The following DHRSX variants were observed in gnomAD, a reference collection of about 807,000 sequenced individuals.
The protein encoded by DHRSX is dehydrogenase/reductase X-linked.
A neutral mutation model predicts 34.0 loss-of-function variants in DHRSX; 31 were observed. The ratio of observed to expected loss-of-function variants is 0.91; its 90% CI spans 0.69 to 1.23. The LOEUF is 1.23. Ranked by LOEUF, DHRSX falls within the 50% of genes most tolerant of loss-of-function variation. The pLI is 0.00. For synonymous variants in DHRSX, 201 were observed against 183.8 expected, an observed-to-expected ratio of 1.09 and a Z score of -0.76; for missense variants, 414 against 428.1, an observed-to-expected ratio of 0.97 and a Z score of 0.29.
intron 3 of DHRSX, among the ~76,000 whole-genome samples, chrX:2,356,798 C>T (rs936887254): frequency 3.3e-5 from 5 of 152,230 alleles, no homozygotes; most frequent in African/African-American, 4.8e-5. Context: ...CTCTTGGTAA[C>T]GTTTTCTTTT....
chrX:2,240,230 T>G (rs945263881), intron 6 of DHRSX, among the ~76,000 whole-genome samples: 1 of 150,686 alleles, frequency 6.6e-6, no homozygotes, highest in African/African-American at 2.4e-5. Flanking sequence ...GAGGCGGAGG[T>G]TGCAGTGAGC....
At chrX:2,346,653 T>G (rs377715398) in intron 3 of DHRSX, among the ~76,000 whole-genome samples, 1,973 of 150,834 alleles carry the variant, frequency 0.013, 15 homozygotes, top group Middle Eastern at 0.034. Context: ...TGGTTTTTTT[T>G]TTGTTGTTGT....
chrX:2,234,265 C>T (rs1478695844), intron 6 of DHRSX, among the ~76,000 whole-genome samples: 2 of 152,018 alleles, frequency 1.3e-5, no homozygotes, highest in Admixed American at 1.3e-4. Flanking sequence ...CAGCCCTGAT[C>T]CACGCACACA....
intron 3 of DHRSX, among the ~76,000 whole-genome samples, chrX:2,298,420 G>T (rs1327233902): frequency 6.9e-6 from 1 of 145,054 alleles, no homozygotes; most frequent in South Asian, 2.1e-4. Context: ...AATTTTCACA[G>T]TATATATTTG....
intron 3 of DHRSX, among the ~76,000 whole-genome samples, chrX:2,296,524 G>A (rs2041934036): frequency 7.0e-6 from 1 of 142,226 alleles, no homozygotes; most frequent in Admixed American, 7.0e-5. Flanking sequence ...CAGGCAGACA[G>A]GAATAGGACC....
intron 1 of DHRSX, among the ~76,000 whole-genome samples, chrX:2,475,603 G>GA (rs1369206361): frequency 8.9e-4 from 133 of 150,128 alleles, no homozygotes; most frequent in African/African-American, 3.2e-3. Context: ...GTGGCCAAGG[G>GA]ATCACACTCA....
At chrX:2,246,745 A>AAAGG (rs2016304109) in intron 5 of DHRSX, among the ~76,000 whole-genome samples, 1 of 111,746 alleles carries the variant, frequency 8.9e-6, no homozygotes, top group African/African-American at 2.7e-5. Flanking sequence ...AGAAAGAAAG[A>AAAGG]AAGAAAAAGA....
At chrX:2,224,516 C>A (rs183340937) in intron 6 of DHRSX, among the ~76,000 whole-genome samples, 214 of 152,206 alleles carry the variant, frequency 1.4e-3, no homozygotes, top group Non-Finnish European at 2.8e-3. Context: ...AGACAGCAAG[C>A]GCATTGTGCT....
At chrX:2,489,052 G>A (rs765377384) in intron 1 of DHRSX, 20 of 1,613,702 alleles carry the variant, frequency 1.2e-5, no homozygotes, top group African/African-American at 8.0e-5. Context: ...CCTCCACGCC[G>A]CCTGTCTGGC....
intron 3 of DHRSX, among the ~76,000 whole-genome samples, chrX:2,372,647 T>A (rs28667034): frequency 6.6e-6 from 1 of 150,636 alleles, no homozygotes; most frequent in Non-Finnish European, 1.5e-5. Context: ...TTCCTCTTGT[T>A]GCCCAGGCTG....
chrX:2,247,420 C>T (rs146128381), intron 5 of DHRSX, among the ~76,000 whole-genome samples: 5,729 of 151,726 alleles, frequency 0.038, 286 homozygotes, highest in African/African-American at 0.12. Context: ...TTTGGGAGGC[C>T]GAGATGGGCA....
At chrX:2,351,923 A>C (rs1397357828) in intron 3 of DHRSX, among the ~76,000 whole-genome samples, 4 of 152,118 alleles carry the variant, frequency 2.6e-5, no homozygotes, top group Non-Finnish European at 4.4e-5. Context: ...TTCCACCATA[A>C]CAGCCAGGCT....
At chrX:2,345,135 T>C (rs1227845785) in intron 3 of DHRSX, among the ~76,000 whole-genome samples, 2 of 151,636 alleles carry the variant, frequency 1.3e-5, no homozygotes, top group Non-Finnish European at 2.9e-5. Context: ...ACTGCCCAAC[T>C]TGTGTTCTGT....
intron 3 of DHRSX, among the ~76,000 whole-genome samples, chrX:2,354,160 T>C (rs1334488672): frequency 2.6e-5 from 4 of 152,106 alleles, no homozygotes; most frequent in Non-Finnish European, 4.4e-5. Context: ...TCCAACCCAA[T>C]GGAGCGGAGC....
Position 2,231,592 on chromosome X carries a change from T to TCC in DHRSX, c.805-10364_805-10363insGG, listed in dbSNP as rs371611714. Among the ~76,000 whole-genome samples the TCC allele has an allele frequency of 3.6e-4, 22 of 61,144 alleles. No homozygotes were observed. The South Asian group carries it at 3.6e-3, about 10-fold the overall frequency. The allele number at this position is 61,144 out of a possible 152,430, so 40.1% of individuals were successfully genotyped here. A position where few individuals can be genotyped will look rare whatever the true frequency, so the allele number is the denominator to read the frequency against. ...TTCTTCCTCCTCCATCGTATCCTCC[T>TCC]TTTTCTTTTTTCCCTTATTCTCCTT... On this transcript the variant is annotated intron_variant, in intron 6 of 6. Transcript: ENST00000334651.
intron 6 of DHRSX, 25 bp from the exon 7 acceptor site, chrX:2,221,254 A>G: frequency 6.2e-7 from 1 of 1,604,262 alleles, no homozygotes; most frequent in Admixed American, 1.7e-5. Context: ...AAAGAAGGCT[A>G]CGATGAGTCA....
chrX:2,316,042 A>G (rs2042238192), intron 3 of DHRSX, among the ~76,000 whole-genome samples: 1 of 152,064 alleles, frequency 6.6e-6, no homozygotes, highest in Admixed American at 6.6e-5. Context: ...TTGTCTTTTT[A>G]GTAGAGACGG....
chrX:2,243,803 T>TTTTG (rs1569478890), intron 5 of DHRSX, among the ~76,000 whole-genome samples: 2 of 81,980 alleles, frequency 2.4e-5, no homozygotes, highest in African/African-American at 8.0e-5. Flanking sequence ...TTTTTTTTTT[T>TTTTG]TTTTTTTTTT....
At chrX:2,294,853 CAGAAAA>C in intron 3 of DHRSX, among the ~76,000 whole-genome samples, 1 of 150,770 alleles carries the variant, frequency 6.6e-6, no homozygotes, top group Admixed American at 6.6e-5. Context: ...AGAGAGCAGA[CAGAAAA>C]AGAAAGAGAA....
Sources: gnomAD v4.1 joint callset for allele counts (sites outside exome capture counted in the v4.1 genomes callset) on GRCh38, gnomAD v4.1.1 for gene constraint, MANE v1.5 for transcripts, NCBI Gene and HGNC (gene_info 2026-07-23, HGNC 2026-07-21) for gene names.